LRRTM4: variants seen among roughly 807,000 people sequenced by gnomAD.
The protein encoded by LRRTM4 is leucine rich repeat transmembrane neuronal 4, also known as leucine-rich repeat transmembrane neuronal protein 4.
LRRTM4 carries 25 observed loss-of-function variants against 47.6 expected under a neutral mutation model. The observed-to-expected ratio is 0.53, with a 90% CI of 0.38 to 0.73. The LOEUF (loss-of-function observed/expected upper bound fraction) is 0.73. Among genes scored for constraint, LRRTM4 ranks in the 30% least tolerant of loss-of-function variants. LRRTM4 has a pLI of 0.00. For synonymous variants in LRRTM4, 311 were observed against 269.5 expected, an observed-to-expected ratio of 1.15 and a Z score of -1.51; for missense variants, 638 against 713.4, an observed-to-expected ratio of 0.89 and a Z score of 1.20.
chr2:77,474,008 T>G (rs1348272369), intron 3 of LRRTM4, among the ~76,000 whole-genome samples: 5 of 152,180 alleles, frequency 3.3e-5, no homozygotes, highest in Non-Finnish European at 7.4e-5. Flanking sequence ...GCTTTGTTCT[T>G]GTTTTAATAT....
chr2:77,087,713 G>A (rs79425637), intron 3 of LRRTM4, among the ~76,000 whole-genome samples: 6,620 of 152,154 alleles, frequency 0.044, 163 homozygotes, highest in South Asian at 0.082. Context: ...AAATTAGTAT[G>A]TTTACAGATA....
At chr2:76,828,590 G>C (rs1671249552) in intron 3 of LRRTM4, among the ~76,000 whole-genome samples, 1 of 151,954 alleles carries the variant, frequency 6.6e-6, no homozygotes, top group Non-Finnish European at 1.5e-5. Context: ...TCTTACCACA[G>C]CTGTTAAGTT....
intron 3 of LRRTM4, among the ~76,000 whole-genome samples, chr2:77,339,530 G>A (rs770702509): frequency 1.4e-4 from 21 of 151,886 alleles, no homozygotes; most frequent in Admixed American, 5.3e-4. Flanking sequence ...ATACTTTGTC[G>A]ATTGATAATG....
intron 3 of LRRTM4, among the ~76,000 whole-genome samples, chr2:77,339,337 A>G (rs1337598567): frequency 6.6e-6 from 1 of 152,018 alleles, no homozygotes; most frequent in African/African-American, 2.4e-5. Flanking sequence ...ACTTTCTAAA[A>G]ATACTTTAAA....
At chr2:76,807,454 A>T (rs1670545486) in intron 3 of LRRTM4, among the ~76,000 whole-genome samples, 1 of 102,214 alleles carries the variant, frequency 9.8e-6, no homozygotes, top group Non-Finnish European at 1.7e-5. Context: ...ACATATATAT[A>T]TATACATATA....
At chr2:76,763,466 C>T (rs1673336873) in intron 3 of LRRTM4, among the ~76,000 whole-genome samples, 1 of 152,238 alleles carries the variant, frequency 6.6e-6, no homozygotes, top group Non-Finnish European at 1.5e-5. Context: ...TGGTCACCCA[C>T]AACCTAAGAG....
At chr2:76,896,184 T>A (rs1289863719) in intron 3 of LRRTM4, among the ~76,000 whole-genome samples, 1 of 151,700 alleles carries the variant, frequency 6.6e-6, no homozygotes, top group Non-Finnish European at 1.5e-5. Flanking sequence ...CTGGTTAGAG[T>A]TTTTCTCCAT....
intron 3 of LRRTM4, among the ~76,000 whole-genome samples, chr2:76,821,732 C>T (rs931029625): frequency 1.3e-5 from 2 of 151,690 alleles, no homozygotes; most frequent in African/African-American, 4.8e-5. Flanking sequence ...TCAGCAAATG[C>T]TTATCCCAGC....
chr2:76,874,842 CTT>C (rs909467961), intron 3 of LRRTM4, among the ~76,000 whole-genome samples: 3 of 151,244 alleles, frequency 2.0e-5, no homozygotes, highest in Non-Finnish European at 2.9e-5. Flanking sequence ...ATTTCTTAAA[CTT>C]TGCTTATTTG....
At chr2:76,757,412 A>G (rs1482149573) in intron 3 of LRRTM4, among the ~76,000 whole-genome samples, 1 of 152,094 alleles carries the variant, frequency 6.6e-6, no homozygotes, top group Non-Finnish European at 1.5e-5. Context: ...TGAGGTGCCC[A>G]GAGAGTTGAT....
intron 3 of LRRTM4, among the ~76,000 whole-genome samples, chr2:76,980,731 A>G (rs1676575112): frequency 6.6e-6 from 1 of 152,082 alleles, no homozygotes; most frequent in Admixed American, 6.6e-5. Context: ...GCATTTGGTA[A>G]CCATGAGAAA....
intron 3 of LRRTM4, among the ~76,000 whole-genome samples, chr2:77,394,512 T>A (rs1673623950): frequency 6.6e-6 from 1 of 151,902 alleles, no homozygotes; most frequent in African/African-American, 2.4e-5. Flanking sequence ...AAGATGGCCA[T>A]TCTGACAGGC....
intron 3 of LRRTM4, among the ~76,000 whole-genome samples, chr2:76,922,868 G>C (rs1674475874): frequency 6.6e-6 from 1 of 152,200 alleles, no homozygotes; most frequent in African/African-American, 2.4e-5. Flanking sequence ...AGGCTAGATT[G>C]ATCTTCATCT....
chr2:77,477,317 T>G (rs1677443789), intron 3 of LRRTM4, among the ~76,000 whole-genome samples: 1 of 152,136 alleles, frequency 6.6e-6, no homozygotes, highest in Non-Finnish European at 1.5e-5. Context: ...GCAAAACCAA[T>G]AAATTTCTTA....
At chr2:77,279,514 A>G (rs1228898998) in intron 3 of LRRTM4, among the ~76,000 whole-genome samples, 1 of 151,934 alleles carries the variant, frequency 6.6e-6, no homozygotes, top group African/African-American at 2.4e-5. Context: ...TTTGTTGTTT[A>G]GCCATTATAA....
At chr2:77,393,721 C>T (rs1211370729) in intron 3 of LRRTM4, among the ~76,000 whole-genome samples, 1 of 151,788 alleles carries the variant, frequency 6.6e-6, no homozygotes, top group African/African-American at 2.4e-5. Flanking sequence ...TAGGAGGCTA[C>T]TGAAATTGTT....
At chr2:77,088,472 A>AC (rs1680802608) in intron 3 of LRRTM4, among the ~76,000 whole-genome samples, 1 of 150,498 alleles carries the variant, frequency 6.6e-6, no homozygotes, top group Non-Finnish European at 1.5e-5. Context: ...GCACCTTGCG[A>AC]CCCCCACTCC....
intron 3 of LRRTM4, among the ~76,000 whole-genome samples, chr2:77,495,189 G>C (rs984833242): frequency 9.8e-5 from 14 of 143,132 alleles, no homozygotes; most frequent in African/African-American, 3.5e-4. Flanking sequence ...TACCTGGTTA[G>C]GTTCATGTTT....
intron 3 of LRRTM4, among the ~76,000 whole-genome samples, chr2:76,912,604 G>C (rs150615296): frequency 2.0e-5 from 3 of 152,118 alleles, no homozygotes; most frequent in African/African-American, 7.2e-5. Context: ...AATTGATATC[G>C]TAGGGCCTGA....
Sources: allele counts gnomAD v4.1 joint callset (sites outside exome capture counted in the v4.1 genomes callset), GRCh38; gene constraint gnomAD v4.1.1; transcripts MANE v1.5; gene names NCBI Gene and HGNC (gene_info 2026-07-23, HGNC 2026-07-21).